The following STAP1 variants were observed in gnomAD, a reference collection of about 807,000 sequenced individuals.
STAP1 encodes the protein signal-transducing adaptor protein 1.
STAP1 carries 30 observed loss-of-function variants against 37.8 expected under a neutral mutation model. That is an observed-to-expected ratio of 0.79 (90% CI 0.59 to 1.08). The LOEUF (loss-of-function observed/expected upper bound fraction) is 1.08, where lower values mean the gene tolerates loss of function less well. STAP1 is among the 50% of genes least tolerant of loss of function. STAP1 has a pLI of 0.00. For missense variants in STAP1, 357 were observed against 349.4 expected (o/e 1.02, Z -0.17); for synonymous variants, 130 against 116.0 (o/e 1.12, Z -0.78).
chr4:67,601,212 AACG>A (rs1728335277), intron 8 of STAP1, among the ~76,000 whole-genome samples: 2 of 152,206 alleles, frequency 1.3e-5, no homozygotes, highest in African/African-American at 4.8e-5. Context: ...ATGACAACTT[AACG>A]TTGACTGCAA....
intron 6 of STAP1, among the ~76,000 whole-genome samples, chr4:67,586,106 C>T (rs4351067): frequency 0.46 from 69,545 of 151,896 alleles, 17,278 homozygotes; most frequent in Non-Finnish European, 0.58. Context: ...ACACGTGACC[C>T]CTGTCTTACT....
chr4:67,588,103 T>C (rs1728030483), intron 6 of STAP1, among the ~76,000 whole-genome samples: 1 of 142,286 alleles, frequency 7.0e-6, no homozygotes, highest in African/African-American at 2.6e-5. Context: ...CATCAGGAAA[T>C]CTTAATATAG....
At chr4:67,599,654 A>C (rs1408696198) in intron 8 of STAP1, among the ~76,000 whole-genome samples, 6 of 122,164 alleles carry the variant, frequency 4.9e-5, no homozygotes, top group South Asian at 5.0e-4. Flanking sequence ...TTTTTTTTTT[A>C]TTTTTGAGAT....
In STAP1 at chr4:67,579,096, C is replaced by T. The variant is rs544335078; in HGVS notation, c.363+1837C>T. Among the ~76,000 whole-genome samples the T allele has an allele frequency of 1.4e-4, 22 of 152,260 alleles. 1 individual carries two copies. The East Asian group carries it at 3.7e-3, about 25-fold the overall frequency. Reference sequence around the variant, plus strand: ...AGTGATCCTCCCACCTCAAGTGATCCTCCCACCTCGGCCTCCCAAAGTGCT... The same window carrying T: ...AGTGATCCTCCCACCTCAAGTGATCTTCCCACCTCGGCCTCCCAAAGTGCT... On this transcript the variant is annotated intron_variant, in intron 4 of 8. Transcript: ENST00000265404.
At chr4:67,569,744 G>T (rs1244914406) in intron 1 of STAP1, among the ~76,000 whole-genome samples, 2 of 151,960 alleles carry the variant, frequency 1.3e-5, no homozygotes, top group African/African-American at 4.8e-5. Flanking sequence ...GTGTGTGTGT[G>T]TGTGAGATGG....
intron 8 of STAP1, among the ~76,000 whole-genome samples, chr4:67,604,056 TG>T (rs1457075434): frequency 6.6e-6 from 1 of 152,200 alleles, no homozygotes; most frequent in East Asian, 1.9e-4. Context: ...CCCACTGGGA[TG>T]GATGATTTCT....
intron 4 of STAP1, among the ~76,000 whole-genome samples, chr4:67,577,802 T>G (rs1177345851): frequency 1.3e-5 from 2 of 151,730 alleles, no homozygotes; most frequent in Non-Finnish European, 1.5e-5. Context: ...GCATGCACCA[T>G]CATGCCCAGC....
chr4:67,563,300 G>C (rs1727393021), intron 1 of STAP1, among the ~76,000 whole-genome samples: 1 of 152,176 alleles, frequency 6.6e-6, no homozygotes, highest in Admixed American at 6.5e-5. Context: ...AATAATGAAT[G>C]CAACCTTTTG....
chr4:67,584,258 A>C (rs1455359577), intron 6 of STAP1, among the ~76,000 whole-genome samples: 1 of 152,190 alleles, frequency 6.6e-6, no homozygotes, highest in Non-Finnish European at 1.5e-5. Flanking sequence ...TCAATTCAAC[A>C]AATATTTATT....
chr4:67,588,115 A>AAAT (rs1728031001), intron 6 of STAP1, among the ~76,000 whole-genome samples: 1 of 150,800 alleles, frequency 6.6e-6, no homozygotes, highest in Non-Finnish European at 1.5e-5. Context: ...TTAATATAGC[A>AAAT]AATTCTATCA....
chr4:67,576,066 T>C (rs1353441004), intron 3 of STAP1, among the ~76,000 whole-genome samples: 1 of 152,170 alleles, frequency 6.6e-6, no homozygotes, highest in Non-Finnish European at 1.5e-5. Flanking sequence ...TTGGGCTGTT[T>C]TATTAGTTAT....
chr4:67,587,166 T>A (rs1337076684), intron 6 of STAP1, among the ~76,000 whole-genome samples: 1 of 152,206 alleles, frequency 6.6e-6, no homozygotes, highest in African/African-American at 2.4e-5. Context: ...TACGACTTAA[T>A]GTAAAGAATT....
intron 2 of STAP1, among the ~76,000 whole-genome samples, chr4:67,571,509 C>T (rs17631342): frequency 0.038 from 5,734 of 152,174 alleles, 150 homozygotes; most frequent in Non-Finnish European, 0.044. Context: ...CTTGCTGTAG[C>T]ATGCAGTTAT....
intron 6 of STAP1, among the ~76,000 whole-genome samples, chr4:67,585,006 G>A (rs1727950219): frequency 6.6e-6 from 1 of 152,164 alleles, no homozygotes; most frequent in Admixed American, 6.5e-5. Flanking sequence ...ATTTTTCTGT[G>A]TAGTTGGGGT....
At chr4:67,600,979 T>G (rs553792099) in intron 8 of STAP1, among the ~76,000 whole-genome samples, 9 of 152,314 alleles carry the variant, frequency 5.9e-5, no homozygotes, top group African/African-American at 1.9e-4. Flanking sequence ...TTCAATGTAT[T>G]ATTGATAAGG....
At chr4:67,565,791 AATT>A (rs1391397698) in intron 1 of STAP1, among the ~76,000 whole-genome samples, 3 of 152,102 alleles carry the variant, frequency 2.0e-5, no homozygotes, top group Admixed American at 6.5e-5. Flanking sequence ...ACACAATAAT[AATT>A]ATTATTATTC....
intron 6 of STAP1, among the ~76,000 whole-genome samples, chr4:67,588,766 G>A (rs1225979346): frequency 6.6e-6 from 1 of 152,140 alleles, no homozygotes; most frequent in Non-Finnish European, 1.5e-5. Context: ...GTTACCATTT[G>A]TGGGTGCTAT....
At chr4:67,586,173 T>C (rs186005667) in intron 6 of STAP1, among the ~76,000 whole-genome samples, 35 of 152,196 alleles carry the variant, frequency 2.3e-4, no homozygotes, top group African/African-American at 8.2e-4. Context: ...AGACTGCATA[T>C]TTCGGCCAGG....
At chr4:67,583,770 C>T in intron 6 of STAP1, 68 bp downstream of exon 6, 1 of 1,545,780 alleles carries the variant, frequency 6.5e-7, no homozygotes, top group Non-Finnish European at 8.8e-7. Flanking sequence ...AAGTCCAGAT[C>T]AGCACCTGCT....
Sources: allele counts gnomAD v4.1 joint callset (sites outside exome capture counted in the v4.1 genomes callset), GRCh38; gene constraint gnomAD v4.1.1; transcripts MANE v1.5; gene names NCBI Gene and HGNC (gene_info 2026-07-23, HGNC 2026-07-21).